SOX5: variants seen among roughly 807,000 people sequenced by gnomAD.
SOX5 encodes the protein transcription factor SOX-5.
A neutral mutation model predicts 92.0 loss-of-function variants in SOX5; 9 were observed. That is an observed-to-expected ratio of 0.10 (90% CI 0.06 to 0.17). The LOEUF is 0.17. Among genes scored for constraint, SOX5 ranks in the 10% least tolerant of loss-of-function variants. The pLI, the probability that SOX5 is intolerant of heterozygous loss-of-function variation, is 1.00. For missense variants in SOX5, 642 were observed against 944.5 expected (o/e 0.68, Z 4.20); for synonymous variants, 344 against 336.3 (o/e 1.02, Z -0.25).
chr12:24,165,481 T>C (rs1953293146), intron 4 of SOX5, among the ~76,000 whole-genome samples: 1 of 152,174 alleles, frequency 6.6e-6, no homozygotes, highest in Non-Finnish European at 1.5e-5. Context: ...AAATATTGCT[T>C]TTAGAAATTC....
chr12:23,675,888 G>A (rs914514326), intron 6 of SOX5, among the ~76,000 whole-genome samples: 3 of 152,086 alleles, frequency 2.0e-5, no homozygotes, highest in African/African-American at 7.2e-5. Context: ...TGGCCAATAG[G>A]TATGGTAATA....
chr12:23,625,426 T>C (rs558048412), intron 8 of SOX5, among the ~76,000 whole-genome samples: 1 of 152,316 alleles, frequency 6.6e-6, no homozygotes, highest in Non-Finnish European at 1.5e-5. Flanking sequence ...ATGAAAACAT[T>C]TGAAGGCTTG....
At chr12:23,662,325 A>T (rs1004904714) in intron 7 of SOX5, among the ~76,000 whole-genome samples, 1 of 152,120 alleles carries the variant, frequency 6.6e-6, no homozygotes, top group Non-Finnish European at 1.5e-5. Context: ...TTCCATTCAT[A>T]CCGAATGCCA....
At chr12:24,136,687 A>G (rs1950139559) in intron 4 of SOX5, among the ~76,000 whole-genome samples, 1 of 152,236 alleles carries the variant, frequency 6.6e-6, no homozygotes, top group African/African-American at 2.4e-5. Flanking sequence ...CTCTCCAAGC[A>G]TATGCCTAAA....
intron 3 of SOX5, among the ~76,000 whole-genome samples, chr12:24,254,935 G>C (rs955122250): frequency 6.6e-6 from 1 of 151,834 alleles, no homozygotes; most frequent in African/African-American, 2.4e-5. Context: ...CTAAAGAAGA[G>C]GTAAGAAACA....
chr12:24,214,293 T>C (rs11047317), intron 3 of SOX5, among the ~76,000 whole-genome samples: 19,601 of 151,990 alleles, frequency 0.13, 1,902 homozygotes, highest in East Asian at 0.54. Flanking sequence ...TGCAGGGTCA[T>C]AAAAGCAGAA....
Position 23,682,416 on chromosome 12 carries a change from T to C in SOX5, c.811-16852A>G, listed in dbSNP as rs78011433. On this transcript the variant is annotated intron_variant, in intron 6 of 14. Coordinates refer to ENST00000451604, the MANE Select transcript of SOX5 (RefSeq NM_006940.6). ...CTAAGTTTCCATTAAAAATACAATT[T>C]GATTATTGAAATATGATCCTTTGTT... is the stretch of plus-strand genomic sequence containing the variant. 4.1e-3 allele frequency among the ~76,000 whole-genome samples: 538 copies of C among 130,382 alleles called. 3 individuals are homozygous for C. Among genetic ancestry groups the C allele is most frequent in the Middle Eastern group, 8.0e-3 (2 of 250 alleles). The allele number at this position is 130,382 out of a possible 152,430, so 85.5% of individuals were successfully genotyped here.
chr12:24,141,428 A>ATAG (rs1950571762), intron 4 of SOX5, among the ~76,000 whole-genome samples: 1 of 152,206 alleles, frequency 6.6e-6, no homozygotes, highest in African/African-American at 2.4e-5. Flanking sequence ...CAATATGTAC[A>ATAG]TAGATTGATG....
At chr12:23,767,248 A>G (rs1309098568) in intron 3 of SOX5, among the ~76,000 whole-genome samples, 1 of 97,878 alleles carries the variant, frequency 1.0e-5, no homozygotes, top group African/African-American at 3.3e-5. Context: ...ACACACACAC[A>G]TATATATATT....
At chr12:24,249,560 GACA>G (rs1479633417) in intron 3 of SOX5, among the ~76,000 whole-genome samples, 1 of 152,128 alleles carries the variant, frequency 6.6e-6, no homozygotes, top group Non-Finnish European at 1.5e-5. Context: ...ATTGACAGTT[GACA>G]ACAACTTTAC....
chr12:24,440,480 G>C (rs1276838235), intron 1 of SOX5, among the ~76,000 whole-genome samples: 5 of 151,888 alleles, frequency 3.3e-5, no homozygotes, highest in Admixed American at 2.0e-4. Context: ...ATGGTTTCTT[G>C]CCTTCTTACC....
chr12:23,580,978 T>G (rs1298581769), intron 9 of SOX5, among the ~76,000 whole-genome samples: 4 of 152,048 alleles, frequency 2.6e-5, no homozygotes, highest in Non-Finnish European at 5.9e-5. Flanking sequence ...ATATATAAAG[T>G]TACAATATAT....
rs1481227843 is a variant in SOX5, at chr12:23,529,506, A to G, written c.*4713T>C. 1 of 152,260 alleles carries G rather than the reference A, an allele frequency of 6.6e-6. No homozygotes were observed. The highest frequency in any genetic ancestry group is 1.5e-5 in the Non-Finnish European group (1 of 68,040). The allele number at this position is 152,260 out of a possible 1,614,324, so 9.4% of individuals were successfully genotyped here. A position where few individuals can be genotyped will look rare whatever the true frequency, so the allele number is the denominator to read the frequency against. Reference sequence around the variant, plus strand: ...GAAAAGAAACACAGTATAATAAGTAAAGAACACATTTGCTGTTTTTATTGG... The same window carrying G: ...GAAAAGAAACACAGTATAATAAGTAGAGAACACATTTGCTGTTTTTATTGG... On this transcript the variant is annotated 3_prime_UTR_variant, in exon 15 of 15. Transcript: ENST00000451604.
chr12:24,332,277 G>C (rs1357259328), intron 2 of SOX5, among the ~76,000 whole-genome samples: 4 of 152,168 alleles, frequency 2.6e-5, no homozygotes, highest in Admixed American at 2.6e-4. Flanking sequence ...TCTAATTTCA[G>C]CAATACTGTA....
chr12:24,539,894 A>C (rs1435712957), intron 1 of SOX5, among the ~76,000 whole-genome samples: 1 of 152,112 alleles, frequency 6.6e-6, no homozygotes, highest in African/African-American at 2.4e-5. Context: ...GTTATGTTAC[A>C]TTTCAAGCAC....
chr12:24,482,517 G>A (rs1946100386), intron 1 of SOX5, among the ~76,000 whole-genome samples: 1 of 152,182 alleles, frequency 6.6e-6, no homozygotes, highest in Non-Finnish European at 1.5e-5. Context: ...TTGTTGATCA[G>A]TGTGGAATGT....
At chr12:24,557,320 G>A (rs888644260) in intron 1 of SOX5, among the ~76,000 whole-genome samples, 1 of 151,216 alleles carries the variant, frequency 6.6e-6, no homozygotes, top group South Asian at 2.1e-4. Context: ...CCCAGGAGGC[G>A]GAGGGTTCAA....
intron 4 of SOX5, among the ~76,000 whole-genome samples, chr12:24,047,368 G>A (rs1366135671): frequency 1.3e-5 from 2 of 152,162 alleles, no homozygotes; most frequent in African/African-American, 2.4e-5. Flanking sequence ...AAAGGATTGA[G>A]GTTACACACA....
intron 1 of SOX5, among the ~76,000 whole-genome samples, chr12:24,523,465 C>A (rs1950429001): frequency 6.6e-6 from 1 of 152,098 alleles, no homozygotes; most frequent in Non-Finnish European, 1.5e-5. Context: ...AAGCTGGAGG[C>A]ATCACAGTTC....
Sources: gnomAD v4.1 joint callset for allele counts (sites outside exome capture counted in the v4.1 genomes callset) on GRCh38, gnomAD v4.1.1 for gene constraint, MANE v1.5 for transcripts, NCBI Gene and HGNC (gene_info 2026-07-23, HGNC 2026-07-21) for gene names.